The following ST6GALNAC3 variants were observed in gnomAD, a reference collection of about 807,000 sequenced individuals.
ST6GALNAC3 encodes the protein ST6 N-acetylgalactosaminide alpha-2,6-sialyltransferase 3.
Under a neutral mutation model 32.7 loss-of-function variants are expected in ST6GALNAC3, and 25 were observed. The observed-to-expected ratio is 0.76, with a 90% CI of 0.56 to 1.07. ST6GALNAC3 has a LOEUF of 1.07. Among genes scored for constraint, ST6GALNAC3 ranks in the 50% least tolerant of loss-of-function variants. ST6GALNAC3 has a pLI of 0.00. For missense variants in ST6GALNAC3, 355 were observed against 382.4 expected (o/e 0.93, Z 0.60); for synonymous variants, 129 against 133.1 (o/e 0.97, Z 0.21).
At chr1:76,577,463 A>G (rs1220855485) in intron 3 of ST6GALNAC3, 1 of 249,704 alleles carries the variant, frequency 4.0e-6, no homozygotes, top group African/African-American at 2.3e-5. Context: ...TAAAGCATTA[A>G]AATTTCATAG....
chr1:76,137,065 A>G (rs1369952954), intron 1 of ST6GALNAC3, among the ~76,000 whole-genome samples: 1 of 152,252 alleles, frequency 6.6e-6, no homozygotes, highest in African/African-American at 2.4e-5. Context: ...GCCAGGAAGT[A>G]AGAGGAGGAA....
intron 1 of ST6GALNAC3, among the ~76,000 whole-genome samples, chr1:76,104,853 A>C (rs1216663003): frequency 6.6e-6 from 1 of 152,112 alleles, no homozygotes; most frequent in Non-Finnish European, 1.5e-5. Flanking sequence ...CAGACAAGAG[A>C]AGAGAGCTTG....
At chr1:76,351,444 T>A (rs1648970812) in intron 2 of ST6GALNAC3, among the ~76,000 whole-genome samples, 1 of 151,976 alleles carries the variant, frequency 6.6e-6, no homozygotes, top group South Asian at 2.1e-4. Flanking sequence ...AAATTTTCAA[T>A]TTTTTTAGTA....
At chr1:76,485,497 A>G (rs192362411) in intron 3 of ST6GALNAC3, among the ~76,000 whole-genome samples, 114 of 152,260 alleles carry the variant, frequency 7.5e-4, no homozygotes, top group African/African-American at 2.6e-3. Flanking sequence ...TAGATTTTCT[A>G]GTTTATTTGC....
chr1:76,175,312 C>T (rs1272790276), intron 1 of ST6GALNAC3, among the ~76,000 whole-genome samples: 3 of 152,184 alleles, frequency 2.0e-5, no homozygotes, highest in Non-Finnish European at 4.4e-5. Context: ...TACCCTCTCC[C>T]ACCAGATAAT....
chr1:76,605,636 G>A (rs1015322420), intron 3 of ST6GALNAC3, among the ~76,000 whole-genome samples: 19 of 151,924 alleles, frequency 1.3e-4, no homozygotes, highest in South Asian at 2.1e-4. Context: ...AGGCCAAGGC[G>A]GGTGGATCAC....
Position 76,509,261 on chromosome 1 carries a change from C to T in ST6GALNAC3, c.623+96844C>T, listed in dbSNP as rs1056083847. On this transcript the variant is annotated intron_variant, in intron 3 of 4. Coordinates refer to ENST00000328299, the MANE Select transcript of ST6GALNAC3 (RefSeq NM_152996.4). The surrounding 1 kb of genome is among the most constrained non-coding windows in gnomAD (Gnocchi z 5.5). ...GAAGATAAATAAAAGGGGCAGCAGG[C>T]AGTGAGTAGTTGTTACCTAATTTGC... 6.6e-6 allele frequency among the ~76,000 whole-genome samples: 1 copy of T among 152,146 alleles called. No homozygotes were observed. Among genetic ancestry groups the T allele is most frequent in the Non-Finnish European group, 1.5e-5 (1 of 68,036 alleles).
intron 1 of ST6GALNAC3, among the ~76,000 whole-genome samples, chr1:76,081,285 TAAAAAA>T (rs10526487): frequency 4.1e-5 from 5 of 120,508 alleles, no homozygotes; most frequent in African/African-American, 1.6e-4. Context: ...GCTGGTGAGC[TAAAAAA>T]AAAAAAAAAA....
intron 2 of ST6GALNAC3, among the ~76,000 whole-genome samples, chr1:76,335,858 A>G (rs1320042465): frequency 2.6e-5 from 4 of 152,200 alleles, no homozygotes; most frequent in African/African-American, 9.7e-5. Context: ...TGCTGGAATG[A>G]CTTATTTCTG....
At chr1:76,419,948 T>C (rs142326471) in intron 3 of ST6GALNAC3, among the ~76,000 whole-genome samples, 99 of 150,396 alleles carry the variant, frequency 6.6e-4, no homozygotes, top group African/African-American at 2.1e-3. Context: ...TTCTTTCTTT[T>C]TTTTTTTTTT....
intron 1 of ST6GALNAC3, among the ~76,000 whole-genome samples, chr1:76,169,627 A>G (rs578116531): frequency 1.3e-3 from 196 of 152,216 alleles, no homozygotes; most frequent in Admixed American, 2.1e-3. Context: ...ACATAATCCC[A>G]TATTTCTCAG....
At chr1:76,295,044 C>G (rs1047142514) in intron 1 of ST6GALNAC3, among the ~76,000 whole-genome samples, 1 of 151,992 alleles carries the variant, frequency 6.6e-6, no homozygotes, top group Non-Finnish European at 1.5e-5. Flanking sequence ...CCACTCCATG[C>G]TGGGCAAAGG....
chr1:76,162,624 A>G (rs576372781), intron 1 of ST6GALNAC3, among the ~76,000 whole-genome samples: 2 of 152,324 alleles, frequency 1.3e-5, no homozygotes, highest in Non-Finnish European at 2.9e-5. Flanking sequence ...ATCATGAGCC[A>G]GCTTATTGAG....
intron 1 of ST6GALNAC3, among the ~76,000 whole-genome samples, chr1:76,203,084 G>A (rs978156841): frequency 2.0e-5 from 3 of 152,156 alleles, no homozygotes; most frequent in African/African-American, 7.2e-5. Flanking sequence ...AGTCAATTAT[G>A]TACAAGTTCT....
intron 1 of ST6GALNAC3, among the ~76,000 whole-genome samples, chr1:76,126,181 CCA>C (rs1275111218): frequency 6.6e-6 from 1 of 152,178 alleles, no homozygotes; most frequent in Non-Finnish European, 1.5e-5. Flanking sequence ...AGAGAAACAA[CCA>C]CAAAGAGTCT....
chr1:76,155,660 G>A (rs1355655741), intron 1 of ST6GALNAC3, among the ~76,000 whole-genome samples: 1 of 150,610 alleles, frequency 6.6e-6, no homozygotes, highest in African/African-American at 2.4e-5. Flanking sequence ...AATATTTTTA[G>A]TAGAGACAGG....
chr1:76,389,360 G>A (rs1450787375), intron 2 of ST6GALNAC3, among the ~76,000 whole-genome samples: 1 of 152,108 alleles, frequency 6.6e-6, no homozygotes, highest in Non-Finnish European at 1.5e-5. Flanking sequence ...AGAGTCCAGG[G>A]CACCTGGAGC....
chr1:76,253,827 G>A (rs183128167), intron 1 of ST6GALNAC3, among the ~76,000 whole-genome samples: 1 of 152,214 alleles, frequency 6.6e-6, no homozygotes, highest in Non-Finnish European at 1.5e-5. Context: ...CAGATGGCAT[G>A]GGTAGTTGGG....
chr1:76,457,629 G>A (rs1457482509), intron 3 of ST6GALNAC3, among the ~76,000 whole-genome samples: 1 of 151,934 alleles, frequency 6.6e-6, no homozygotes, highest in Non-Finnish European at 1.5e-5. Flanking sequence ...AACAAGCAAT[G>A]GGGAAAGGAT....
Sources: allele counts gnomAD v4.1 joint callset (sites outside exome capture counted in the v4.1 genomes callset), GRCh38; gene constraint gnomAD v4.1.1; non-coding constraint Gnocchi (gnomAD v3.1); transcripts MANE v1.5; gene names NCBI Gene and HGNC (gene_info 2026-07-23, HGNC 2026-07-21).